Variants in ALKBH5 observed in about 807,000 individuals in gnomAD.
The protein encoded by ALKBH5 is alkB homolog 5, RNA demethylase.
A neutral mutation model predicts 32.1 loss-of-function variants in ALKBH5; 2 were observed. The ratio of observed to expected loss-of-function variants is 0.06; its 90% CI spans 0.03 to 0.20. ALKBH5 has a LOEUF of 0.20. Ranked by LOEUF, ALKBH5 falls within the 10% of genes least tolerant of loss-of-function variation. The probability of loss-of-function intolerance (pLI) is 1.00; values close to 1 mark genes in which losing one functional copy is unlikely to be tolerated. For missense variants in ALKBH5, 352 were observed against 559.5 expected (o/e 0.63, Z 3.74); for synonymous variants, 300 against 231.7 (o/e 1.29, Z -2.68).
chr17:18,191,598 A>G (rs760390171), intron 1 of ALKBH5, among the ~76,000 whole-genome samples: 1 of 152,188 alleles, frequency 6.6e-6, no homozygotes, highest in Non-Finnish European at 1.5e-5. Flanking sequence ...GCATATAGCC[A>G]AGTCAAACAG....
intron 2 of ALKBH5, among the ~76,000 whole-genome samples, chr17:18,202,650 C>T (rs931252775): frequency 1.3e-5 from 2 of 152,104 alleles, no homozygotes; most frequent in African/African-American, 4.8e-5. Flanking sequence ...GGACTGCCCT[C>T]GCTCCAGAGT....
At chr17:18,192,858 T>C (rs1437622268) in intron 1 of ALKBH5, among the ~76,000 whole-genome samples, 1 of 84,224 alleles carries the variant, frequency 1.2e-5, no homozygotes, top group Non-Finnish European at 2.8e-5. Flanking sequence ...CTTTTTCTTT[T>C]TTTTTTTTTT....
rs146996658 is a variant in ALKBH5, at chr17:18,193,119, A to G, written c.771-1836A>G. Among the ~76,000 whole-genome samples the G allele has an allele frequency of 7.1e-3, 1,071 of 151,908 alleles. 6 individuals are homozygous for G. The highest frequency in any genetic ancestry group is 8.1e-3 in the Non-Finnish European group (548 of 67,944). The stretch of plus-strand genomic sequence containing the variant: ...GCAACATGCCCACCTTGGCCTCCCA[A>G]AGTGCTGGGTGGGATTACAGGCGTG... On this transcript the variant is annotated intron_variant, in intron 1 of 3. Transcript: ENST00000399138.
chr17:18,208,377 T>C lies in ALKBH5; in HGVS notation c.1166T>C (p.Val389Ala). The part of the protein sequence containing the change: ...SEAAGSPARK[V>A]KMRRH ...GCAGCAGGCAGCCCTGCCCGAAAGGTGAAGATGCGGCGGCACTGAGTCTAC... is the reference window on the plus strand; with the variant it reads ...GCAGCAGGCAGCCCTGCCCGAAAGGCGAAGATGCGGCGGCACTGAGTCTAC... Residue 389 changes from valine (V) to alanine (A), a missense_variant, in exon 4 of 4, where the codon GTG (valine) becomes GCG (alanine). Physicochemically the swap from Val to Ala is moderately conservative, Grantham distance 64. Around this residue, in one of 4 missense-constraint regions of ALKBH5, gnomAD observed 124 missense variants for 142.4 expected, o/e 0.87. Coordinates refer to ENST00000399138, the MANE Select transcript of ALKBH5 (RefSeq NM_017758.4). The C allele has an allele frequency of 6.2e-7, 1 of 1,613,162 alleles. No individual in the cohort carries two copies.
At chr17:18,185,573 A>G (rs2047134077) in intron 1 of ALKBH5, among the ~76,000 whole-genome samples, 1 of 152,214 alleles carries the variant, frequency 6.6e-6, no homozygotes, top group South Asian at 2.1e-4. Flanking sequence ...TGGGCCAGGC[A>G]TACAGAGCAG....
intron 1 of ALKBH5, among the ~76,000 whole-genome samples, chr17:18,189,421 T>C (rs2047160394): frequency 6.6e-6 from 1 of 152,174 alleles, no homozygotes; most frequent in Admixed American, 6.5e-5. Context: ...CAGAGCTGGC[T>C]GGCCAGTTGG....
At chr17:18,197,951 C>T (rs1009754911) in intron 2 of ALKBH5, among the ~76,000 whole-genome samples, 8 of 152,158 alleles carry the variant, frequency 5.3e-5, no homozygotes, top group African/African-American at 1.9e-4. Flanking sequence ...TCTAAAGTAT[C>T]TGCAGCTCCT....
Position 18,187,188 on chromosome 17 carries a change from G to A in ALKBH5, c.770+2175G>A, listed in dbSNP as rs572866048. Among the ~76,000 whole-genome samples, 11 of 152,212 alleles carry A rather than the reference G, an allele frequency of 7.2e-5. No homozygotes were observed. In the South Asian group the frequency reaches 2.3e-3, roughly 32 times the overall value. ...AGGGGGACATCTTTTCCACTTTGGA[G>A]TGTTGGAAGTTTAGGGGAGGAAATG... On this transcript the variant is annotated intron_variant, in intron 1 of 3. Coordinates refer to ENST00000399138, the MANE Select transcript of ALKBH5 (RefSeq NM_017758.4).
intron 2 of ALKBH5, among the ~76,000 whole-genome samples, chr17:18,203,362 G>GA (rs750259945): frequency 2.6e-5 from 4 of 152,188 alleles, no homozygotes; most frequent in African/African-American, 4.8e-5. Context: ...GAGGACCTAG[G>GA]ATAGGATCAA....
chr17:18,193,114 TC>T (rs1468104706), intron 1 of ALKBH5, among the ~76,000 whole-genome samples: 3 of 151,706 alleles, frequency 2.0e-5, no homozygotes, highest in Non-Finnish European at 4.4e-5. Context: ...CACCTTGGCC[TC>T]CCAAAGTGCT....
At chr17:18,190,708 T>G (rs573940294) in intron 1 of ALKBH5, among the ~76,000 whole-genome samples, 1 of 152,318 alleles carries the variant, frequency 6.6e-6, no homozygotes, top group African/African-American at 2.4e-5. Context: ...GTGTCCACTG[T>G]GCAGGGATGA....
rs2047294395 is a variant in ALKBH5 at position 18,209,883 on chromosome 17, T to A, written c.*1487T>A. On this transcript the variant is annotated 3_prime_UTR_variant, in exon 4 of 4. Coordinates refer to ENST00000399138, the MANE Select transcript of ALKBH5 (RefSeq NM_017758.4). ...CAGCTTTTTTCCCAAAAATGATTTG[T>A]AGTTGTGTGTGCAGCACTTCGCCCT... 1 of 152,666 alleles carries A rather than the reference T, an allele frequency of 6.6e-6. No homozygotes were observed. 9.5% of individuals were successfully genotyped at this position (152,666 alleles called of 1,614,324 possible).
At chr17:18,194,306 A>G (rs1456072020) in intron 1 of ALKBH5, among the ~76,000 whole-genome samples, 1 of 151,730 alleles carries the variant, frequency 6.6e-6, no homozygotes, top group Non-Finnish European at 1.5e-5. Context: ...GGCGCCCACC[A>G]CCATGCCTGG....
intron 2 of ALKBH5, among the ~76,000 whole-genome samples, chr17:18,199,811 C>A (rs1428752911): frequency 2.6e-5 from 4 of 152,056 alleles, no homozygotes; most frequent in East Asian, 1.9e-4. Flanking sequence ...GCAAAAAAAA[C>A]CCCAAAAACC....
chr17:18,203,062 A>G (rs1042688287), intron 2 of ALKBH5, among the ~76,000 whole-genome samples: 1 of 133,636 alleles, frequency 7.5e-6, no homozygotes, highest in Non-Finnish European at 1.6e-5. Context: ...ACAGAGCAAG[A>G]TTGTCTTTTA....
intron 2 of ALKBH5, among the ~76,000 whole-genome samples, chr17:18,197,079 C>T (rs1181656234): frequency 1.3e-5 from 2 of 152,172 alleles, no homozygotes; most frequent in South Asian, 2.1e-4. Context: ...TTTGGTATGG[C>T]TTTGCCACTT....
chr17:18,201,493 C>T (rs182478182), intron 2 of ALKBH5, among the ~76,000 whole-genome samples: 108 of 152,194 alleles, frequency 7.1e-4, no homozygotes, highest in African/African-American at 2.4e-3. Flanking sequence ...TGCGGTGGCT[C>T]GCACTTGTAA....
At chr17:18,192,976 A>G (rs2047186071) in intron 1 of ALKBH5, among the ~76,000 whole-genome samples, 1 of 148,226 alleles carries the variant, frequency 6.7e-6, no homozygotes, top group Admixed American at 6.9e-5. Context: ...CTCCTGCCTC[A>G]GCCTCTGCGA....
chr17:18,184,601 A>T lies in ALKBH5; in HGVS notation c.358A>T (p.Asn120Tyr). 1.2e-6 allele frequency: 2 copies of T among 1,613,278 alleles called. No individual in the cohort carries two copies. The highest frequency in any genetic ancestry group is 1.7e-6 in the Non-Finnish European group (2 of 1,179,994). ...VVSRAEKGLY[N>Y]EHTVDRAPLR... Reference sequence around the variant, plus strand: ...GTCCCGCGCTGAGAAGGGCCTGTACAACGAGCACACGGTGGACCGGGCCCC... The same window carrying T: ...GTCCCGCGCTGAGAAGGGCCTGTACTACGAGCACACGGTGGACCGGGCCCC... Residue 120 changes from asparagine (N) to tyrosine (Y), a missense_variant, in exon 1 of 4, where the codon AAC becomes TAC. By Grantham distance (143) the Asn-to-Tyr change is moderately radical. This residue lies in a region of ALKBH5 where 28 missense variants were observed against 53.1 expected (regional missense o/e 0.53). Transcript: ENST00000399138.
Sources: allele counts gnomAD v4.1 joint callset (sites outside exome capture counted in the v4.1 genomes callset), GRCh38; gene constraint gnomAD v4.1.1; regional missense constraint gnomAD v4.1.1; transcripts MANE v1.5; gene names NCBI Gene and HGNC (gene_info 2026-07-23, HGNC 2026-07-21).